Variants in NEBL observed in about 807,000 individuals in gnomAD.
NEBL encodes the protein nebulette.
NEBL carries 122 observed loss-of-function variants against 140.2 expected under a neutral mutation model. That is an observed-to-expected ratio of 0.87 (90% CI 0.75 to 1.01). NEBL has a LOEUF of 1.01. Among genes scored for constraint, NEBL ranks in the 50% least tolerant of loss-of-function variants. NEBL has a pLI of 0.00. For synonymous variants in NEBL, 436 were observed against 398.9 expected, an observed-to-expected ratio of 1.09 and a Z score of -1.11; for missense variants, 1,365 against 1,231.3, an observed-to-expected ratio of 1.11 and a Z score of -1.62.
At chr10:20,803,001 G>A (rs1837265391) in intron 26 of NEBL, among the ~76,000 whole-genome samples, 1 of 152,118 alleles carries the variant, frequency 6.6e-6, no homozygotes, top group Admixed American at 6.5e-5. Context: ...ACCAAGTCGT[G>A]AGAGCACTGG....
At chr10:21,187,282 G>T (rs1412341931) in intron 3 of NEBL, among the ~76,000 whole-genome samples, 2 of 151,904 alleles carry the variant, frequency 1.3e-5, no homozygotes, top group African/African-American at 2.4e-5. Flanking sequence ...AAATTGCCCA[G>T]TCTCAGATAT....
At chr10:21,257,623 C>T (rs980887022) in intron 1 of NEBL, among the ~76,000 whole-genome samples, 4 of 152,176 alleles carry the variant, frequency 2.6e-5, no homozygotes, top group Admixed American at 6.5e-5. Flanking sequence ...TGGTGGCTCA[C>T]GCCTGTAATC....
intron 2 of NEBL, among the ~76,000 whole-genome samples, chr10:21,144,980 C>T (rs1357052417): frequency 1.3e-5 from 2 of 150,848 alleles, no homozygotes; most frequent in Non-Finnish European, 3.0e-5. Context: ...AGATATCTCT[C>T]CAAGCACAAA....
chr10:21,156,181 C>A (rs1374505408), intron 2 of NEBL, among the ~76,000 whole-genome samples: 1 of 152,186 alleles, frequency 6.6e-6, no homozygotes, highest in Non-Finnish European at 1.5e-5. Flanking sequence ...GAATTCTATT[C>A]ATGTAATTTG....
chr10:21,229,835 C>T (rs961327238), intron 3 of NEBL, among the ~76,000 whole-genome samples: 2 of 152,180 alleles, frequency 1.3e-5, no homozygotes, highest in Non-Finnish European at 2.9e-5. Context: ...CAGAGTCTGG[C>T]GTGTAGTGAA....
intron 2 of NEBL, among the ~76,000 whole-genome samples, chr10:21,116,983 T>A (rs1380424363): frequency 6.6e-6 from 1 of 152,070 alleles, no homozygotes; most frequent in Non-Finnish European, 1.5e-5. Flanking sequence ...GAATGACCGG[T>A]AATTTTTATT....
intron 26 of NEBL, among the ~76,000 whole-genome samples, chr10:20,787,732 G>C (rs982963143): frequency 1.3e-5 from 2 of 152,146 alleles, no homozygotes; most frequent in East Asian, 1.9e-4. Flanking sequence ...TCATATAACA[G>C]ATACTGTCAA....
Position 21,173,881 on chromosome 10 carries a change from G to A in NEBL, c.-48C>T. On this transcript the variant is annotated 5_prime_UTR_variant, in exon 1 of 7. Transcript: ENST00000417816. This position sits in a 1 kb window ranked among gnomAD's most constrained non-coding sequence, Gnocchi z 5.7. Reference sequence around the variant, plus strand: ...GGCGGCGGCGGCTGCTGGCTCCCAGGAGCCGCTGTGACATCCCCCGGCGAG... The same window carrying A: ...GGCGGCGGCGGCTGCTGGCTCCCAGAAGCCGCTGTGACATCCCCCGGCGAG... The A allele has an allele frequency of 1.2e-6, 2 of 1,601,024 alleles. No homozygotes were observed. The highest frequency in any genetic ancestry group is 2.2e-5 in the East Asian group (1 of 44,494).
intron 1 of NEBL, among the ~76,000 whole-genome samples, chr10:21,262,286 A>T (rs2132281650): frequency 6.6e-6 from 1 of 152,268 alleles, no homozygotes; most frequent in South Asian, 2.1e-4. Context: ...GCCATCACGA[A>T]ATGCTTTGCT....
At chr10:20,858,407 T>C in intron 8 of NEBL, 63 bp from the exon 9 acceptor site, 3 of 1,355,976 alleles carry the variant, frequency 2.2e-6, no homozygotes, top group Non-Finnish European at 3.1e-6. Context: ...TTTTGCATTA[T>C]TGCATTTTTC....
chr10:20,811,921 T>C (rs1199800165), intron 24 of NEBL, among the ~76,000 whole-genome samples: 1 of 152,212 alleles, frequency 6.6e-6, no homozygotes, highest in East Asian at 1.9e-4. Flanking sequence ...TACTTCAGTA[T>C]GATCTTTTCT....
At chr10:21,227,560 TC>T (rs1277887002) in intron 3 of NEBL, among the ~76,000 whole-genome samples, 1 of 152,228 alleles carries the variant, frequency 6.6e-6, no homozygotes, top group East Asian at 1.9e-4. Flanking sequence ...GTAAGCCAGT[TC>T]CCCCAGGTCA....
intron 2 of NEBL, among the ~76,000 whole-genome samples, chr10:21,134,036 G>A (rs754514649): frequency 1.3e-5 from 2 of 152,138 alleles, no homozygotes; most frequent in African/African-American, 2.4e-5. Flanking sequence ...AGGTCAGCCT[G>A]CCTACATGGT....
chr10:21,074,644 A>G (rs1169718765), intron 2 of NEBL, among the ~76,000 whole-genome samples: 1 of 151,550 alleles, frequency 6.6e-6, no homozygotes, highest in Admixed American at 6.6e-5. Flanking sequence ...AGCTCGGCTA[A>G]TTTTTTTGTA....
intron 2 of NEBL, among the ~76,000 whole-genome samples, chr10:20,892,150 T>C (rs1255152983): frequency 4.6e-5 from 7 of 152,204 alleles, no homozygotes; most frequent in Non-Finnish European, 1.0e-4. Context: ...GCAGCCAGGC[T>C]CCTGCCCAGC....
intron 4 of NEBL, among the ~76,000 whole-genome samples, chr10:20,931,760 C>T (rs899745149): frequency 1.3e-5 from 2 of 152,074 alleles, no homozygotes; most frequent in Admixed American, 1.3e-4. Context: ...CTCTTCTTCC[C>T]CACCCCAGCC....
intron 2 of NEBL, among the ~76,000 whole-genome samples, chr10:21,059,360 A>T (rs1410890276): frequency 6.6e-6 from 1 of 152,256 alleles, no homozygotes; most frequent in Admixed American, 6.5e-5. Flanking sequence ...ATTGACATTA[A>T]CAGATGGACA....
chr10:21,101,893 C>G (rs746131782), intron 2 of NEBL, among the ~76,000 whole-genome samples: 6 of 152,196 alleles, frequency 3.9e-5, no homozygotes, highest in African/African-American at 1.4e-4. Context: ...GGAAACATCA[C>G]GCTTTGACTA....
intron 4 of NEBL, among the ~76,000 whole-genome samples, chr10:20,932,671 A>C (rs958244250): frequency 6.6e-6 from 1 of 152,256 alleles, no homozygotes; most frequent in Admixed American, 6.5e-5. Flanking sequence ...TCTAAAAATC[A>C]TATCACTGAT....
Sources: allele counts gnomAD v4.1 joint callset (sites outside exome capture counted in the v4.1 genomes callset), GRCh38; gene constraint gnomAD v4.1.1; non-coding constraint Gnocchi (gnomAD v3.1); transcripts MANE v1.5; gene names NCBI Gene and HGNC (gene_info 2026-07-23, HGNC 2026-07-21).